ACKR3: variants seen among roughly 807,000 people sequenced by gnomAD.
ACKR3 encodes the protein C-X-C chemokine receptor type 7.
Under a neutral mutation model 22.4 loss-of-function variants are expected in ACKR3, and 6 were observed. That is an observed-to-expected ratio of 0.27 (90% CI 0.15 to 0.53). The LOEUF (loss-of-function observed/expected upper bound fraction) is 0.53, where lower values mean the gene tolerates loss of function less well. Among genes scored for constraint, ACKR3 ranks in the 20% least tolerant of loss-of-function variants. The probability of loss-of-function intolerance (pLI) is 0.96; values close to 1 mark genes in which losing one functional copy is unlikely to be tolerated. For missense variants in ACKR3, 396 were observed against 475.2 expected, an observed-to-expected ratio of 0.83 and a Z score of 1.55; for synonymous variants, 209 against 205.2, an observed-to-expected ratio of 1.02 and a Z score of -0.16.
At chr2:236,564,227 T>C (rs1054741212), upstream of ACKR3, among the ~76,000 whole-genome samples, 25 of 152,170 alleles carry the variant, frequency 1.6e-4, no homozygotes, top group Admixed American at 1.4e-3. Flanking sequence ...GAGGACTCTA[T>C]TGGAGGCCTC....
At chr2:236,578,709 A>C (rs1691462778) in intron 1 of ACKR3, among the ~76,000 whole-genome samples, 1 of 152,154 alleles carries the variant, frequency 6.6e-6, no homozygotes, top group African/African-American at 2.4e-5. Context: ...GAGGCCGCGA[A>C]ATTTCTCACT....
chr2:236,558,944 G>A, the ACKR3 span, among the ~76,000 whole-genome samples: 1 of 152,150 alleles, frequency 6.6e-6, no homozygotes, highest in African/African-American at 2.4e-5. Flanking sequence ...TTCCCTGCAG[G>A]ACTTAGATAT....
the ACKR3 span, among the ~76,000 whole-genome samples, chr2:236,558,299 G>A: frequency 2.2e-4 from 33 of 152,346 alleles, no homozygotes; most frequent in Middle Eastern, 0.02. Context: ...ACATGCTAAT[G>A]AAGGGGCGGG....
the ACKR3 span, among the ~76,000 whole-genome samples, chr2:236,560,545 C>A: frequency 5.3e-5 from 8 of 151,722 alleles, no homozygotes; most frequent in Admixed American, 6.6e-5. Flanking sequence ...TTTTCCCTGT[C>A]GAGTTGTAGG....
Position 236,581,247 on chromosome 2 carries a change from T to A in ACKR3, c.782T>A (p.Phe261Tyr). Residue 261 changes from phenylalanine to tyrosine, a missense_variant, in exon 2 of 2, where the codon TTC (phenylalanine) becomes TAC (tyrosine). Phe to Tyr is a conservative substitution (Grantham distance 22). Coordinates refer to ENST00000272928, the MANE Select transcript of ACKR3 (RefSeq NM_020311.3). The surrounding 1 kb of genome is among the most constrained non-coding windows in gnomAD (Gnocchi z 4.4). ...RKIIFSYVVV[F>Y]LVCWLPYHVA... ...ATCATCTTCTCCTACGTGGTGGTCTTCCTTGTCTGCTGGCTGCCCTACCAC... is the reference window on the plus strand; with the variant it reads ...ATCATCTTCTCCTACGTGGTGGTCTACCTTGTCTGCTGGCTGCCCTACCAC... The A allele has an allele frequency of 6.2e-7, 1 of 1,614,104 alleles. No homozygotes were observed. The highest frequency in any genetic ancestry group is 8.5e-7 in the Non-Finnish European group (1 of 1,179,972).
At chr2:236,560,061 G>T in the ACKR3 span, among the ~76,000 whole-genome samples, 3 of 152,192 alleles carry the variant, frequency 2.0e-5, no homozygotes, top group South Asian at 2.1e-4. Context: ...ATGACAAAAA[G>T]AAATTTCTGG....
At chr2:236,558,550 G>A in the ACKR3 span, among the ~76,000 whole-genome samples, 1 of 152,170 alleles carries the variant, frequency 6.6e-6, no homozygotes, top group African/African-American at 2.4e-5. Flanking sequence ...AGGAAGGAAA[G>A]TGTTGATGCT....
the ACKR3 span, among the ~76,000 whole-genome samples, chr2:236,554,924 C>T: frequency 1.9e-4 from 29 of 152,308 alleles, no homozygotes; most frequent in African/African-American, 6.5e-4. Context: ...GGAGGTGAGT[C>T]GATAAGCATC....
chr2:236,574,328 T>G lies in ACKR3; in HGVS notation c.-27+4404T>G, dbSNP rs1462194288. ...CCTACTATGTGCAGCTGTAGCTGTA[T>G]AGCTGTATAGCTGTAGCTACACAAA... On this transcript the variant is annotated intron_variant, in intron 1 of 1. Transcript: ENST00000272928. The surrounding 1 kb of genome is among the most constrained non-coding windows in gnomAD (Gnocchi z 5.6). Among the ~76,000 whole-genome samples, 1 of 152,036 alleles carries G rather than the reference T, an allele frequency of 6.6e-6. No homozygotes were observed. Among genetic ancestry groups the G allele is most frequent in the Non-Finnish European group, 1.5e-5 (1 of 68,006 alleles).
chr2:236,562,499 A>G, the ACKR3 span, among the ~76,000 whole-genome samples: 1 of 152,126 alleles, frequency 6.6e-6, no homozygotes, highest in Non-Finnish European at 1.5e-5. Flanking sequence ...AATGTATACA[A>G]CTTGAAGTTG....
At chr2:236,578,474 G>T (rs1574976914) in intron 1 of ACKR3, among the ~76,000 whole-genome samples, 1 of 152,218 alleles carries the variant, frequency 6.6e-6, no homozygotes, top group African/African-American at 2.4e-5. Context: ...GACCAGCGTG[G>T]TTCCCTCCAT....
At chr2:236,559,230 T>G in the ACKR3 span, among the ~76,000 whole-genome samples, 3 of 152,236 alleles carry the variant, frequency 2.0e-5, no homozygotes, top group Non-Finnish European at 4.4e-5. Flanking sequence ...ACTCAGAACT[T>G]TCTATTCGGG....
chr2:236,580,662 T>C lies in ACKR3; in HGVS notation c.197T>C (p.Val66Ala). The C allele has an allele frequency of 6.2e-7, 1 of 1,614,170 alleles. No individual in the cohort carries two copies. The highest frequency in any genetic ancestry group is 8.5e-7 in the Non-Finnish European group (1 of 1,180,006). The change falls in exon 2 of 2, where the codon GTC (valine) becomes GCC (alanine). Residue 66 changes from valine (V) to alanine (A), a missense_variant. By Grantham distance (64) the Val-to-Ala change is moderately conservative (BLOSUM62 0). Coordinates refer to ENST00000272928, the MANE Select transcript of ACKR3 (RefSeq NM_020311.3). ...GGCATGATTGCCAACTCCGTGGTGG[T>C]CTGGGTGAATATCCAGGCCAAGACC... The part of the protein sequence containing the change: ...VIGMIANSVV[V>A]WVNIQAKTTG...
At chr2:236,578,768 A>G (rs1574977092) in intron 1 of ACKR3, among the ~76,000 whole-genome samples, 1 of 151,892 alleles carries the variant, frequency 6.6e-6, no homozygotes, top group Non-Finnish European at 1.5e-5. Flanking sequence ...CCATCAAACA[A>G]CCCAGTCTCT....
chr2:236,581,678 G>C lies in ACKR3; in HGVS notation c.*124G>C. On this transcript the variant is annotated 3_prime_UTR_variant, in exon 2 of 2. Transcript: ENST00000272928. This position sits in a 1 kb window ranked among gnomAD's most constrained non-coding sequence, Gnocchi z 4.4. ...ATGCTTGAGTAGAGTGAAGAGGGGA[G>C]CACGTGCCCCCTGCATCCATTCTCT... The C allele has an allele frequency of 8.2e-7, 1 of 1,223,232 alleles. No individual in the cohort carries two copies. The highest frequency in any genetic ancestry group is 1.1e-6 in the Non-Finnish European group (1 of 884,934). The allele number at this position is 1,223,232 out of a possible 1,614,324, so 75.8% of individuals were successfully genotyped here.
chr2:236,547,436 G>C, the ACKR3 span, among the ~76,000 whole-genome samples: 2 of 152,132 alleles, frequency 1.3e-5, no homozygotes. Context: ...ACAAATATAT[G>C]TATAAAGTTG....
the ACKR3 span, among the ~76,000 whole-genome samples, chr2:236,550,614 G>C: frequency 2.0e-5 from 3 of 152,124 alleles, no homozygotes; most frequent in East Asian, 5.8e-4. This position sits in a 1 kb window ranked among gnomAD's most constrained non-coding sequence, Gnocchi z 4.6. Context: ...AATGAATCCA[G>C]TCTCCCTCAG....
upstream of ACKR3, among the ~76,000 whole-genome samples, chr2:236,564,285 C>A (rs907292092): frequency 2.0e-5 from 3 of 152,210 alleles, no homozygotes; most frequent in African/African-American, 7.2e-5. Flanking sequence ...TTAATAAAAA[C>A]CCTAAAGAAC....
At chr2:236,575,621 G>A (rs1288666354) in intron 1 of ACKR3, among the ~76,000 whole-genome samples, 1 of 126,754 alleles carries the variant, frequency 7.9e-6, no homozygotes, top group Non-Finnish European at 1.7e-5. Flanking sequence ...GTGTGTGTGT[G>A]TCTGGGGTTG....
Sources: allele counts gnomAD v4.1 joint callset (sites outside exome capture counted in the v4.1 genomes callset), GRCh38; gene constraint gnomAD v4.1.1; non-coding constraint Gnocchi (gnomAD v3.1); transcripts MANE v1.5; gene names NCBI Gene and HGNC (gene_info 2026-07-23, HGNC 2026-07-21).